CNTN5: variants seen among roughly 807,000 people sequenced by gnomAD.
CNTN5 encodes the protein contactin-5.
Under a neutral mutation model 129.1 loss-of-function variants are expected in CNTN5, and 77 were observed. The observed-to-expected ratio is 0.60, with a 90% CI of 0.50 to 0.72. CNTN5 has a LOEUF of 0.72. CNTN5 is among the 30% of genes least tolerant of loss of function. CNTN5 has a pLI of 0.00. For synonymous variants in CNTN5, 509 were observed against 465.6 expected, an observed-to-expected ratio of 1.09 and a Z score of -1.20; for missense variants, 1,478 against 1,328.8, an observed-to-expected ratio of 1.11 and a Z score of -1.75.
intron 13 of CNTN5, among the ~76,000 whole-genome samples, chr11:100,158,813 G>C (rs1947343156): frequency 6.6e-6 from 1 of 151,802 alleles, no homozygotes; most frequent in South Asian, 2.1e-4. Flanking sequence ...CAAGAATTTA[G>C]CTTTTCAACT....
In CNTN5 at chr11:99,513,607, G is replaced by A. The variant is rs527960426; in HGVS notation, c.-70-42538G>A. Among the ~76,000 whole-genome samples the A allele has an allele frequency of 4.3e-4, 65 of 152,104 alleles. 2 individuals are homozygous for A. In the South Asian group the frequency reaches 0.012, roughly 29 times the overall value. Reference sequence around the variant, plus strand: ...GCATTCCAAAATTCCTAGAGCTTAAGAATTATGCTAAATCTACTCTGCCTG... The same window carrying A: ...GCATTCCAAAATTCCTAGAGCTTAAAAATTATGCTAAATCTACTCTGCCTG... On this transcript the variant is annotated intron_variant, in intron 2 of 24. Transcript: ENST00000524871.
intron 3 of CNTN5, among the ~76,000 whole-genome samples, chr11:99,670,987 C>G (rs1953011081): frequency 6.6e-6 from 1 of 152,048 alleles, no homozygotes; most frequent in African/African-American, 2.4e-5. Context: ...TTTGACACTC[C>G]CCAGGCTAGT....
In CNTN5 at chr11:99,873,326, G is replaced by T. The variant is rs544626844; in HGVS notation, c.577+28064G>T. ...AAAATATTTGAAAATGATGCCTCAG[G>T]ATAAATAATTAGTATTCAGAATCTA... On this transcript the variant is annotated intron_variant, in intron 6 of 24. Transcript: ENST00000524871. Among the ~76,000 whole-genome samples the T allele has an allele frequency of 7.3e-5, 11 of 151,028 alleles. No individual in the cohort carries two copies. In the East Asian group the frequency reaches 2.1e-3, roughly 29 times the overall value.
At chr11:99,268,632 G>A (rs868773495) in intron 1 of CNTN5, among the ~76,000 whole-genome samples, 5 of 151,876 alleles carry the variant, frequency 3.3e-5, no homozygotes, top group Admixed American at 2.6e-4. Flanking sequence ...TGGTATGGTA[G>A]TATACATAAT....
intron 9 of CNTN5, among the ~76,000 whole-genome samples, chr11:100,056,841 A>T (rs1943248879): frequency 6.6e-6 from 1 of 151,794 alleles, no homozygotes; most frequent in Non-Finnish European, 1.5e-5. Flanking sequence ...GTGTACAAGG[A>T]TTCCATAGGA....
chr11:99,429,366 C>CTT (rs1943266936), intron 2 of CNTN5, among the ~76,000 whole-genome samples: 1 of 152,122 alleles, frequency 6.6e-6, no homozygotes, highest in Non-Finnish European at 1.5e-5. Context: ...ACTCATAAGA[C>CTT]TTTTATTCCA....
At position 99,879,663 on chromosome 11, in the gene CNTN5, C is replaced by T. The variant is rs551942499; in HGVS notation, c.577+34401C>T. 2.0e-5 allele frequency among the ~76,000 whole-genome samples: 3 copies of T among 152,068 alleles called. No homozygotes were observed. The South Asian group carries it at 6.2e-4, about 31-fold the overall frequency. ...TAAATTTTAAAACACTGCTAGCTAC[C>T]GTTTATTGAGTTCGTTTATGGGCAG... On this transcript the variant is annotated intron_variant, in intron 6 of 24. Transcript: ENST00000524871.
In CNTN5 at chr11:99,439,729, A is replaced by C. The variant is rs1356350687; in HGVS notation, c.-71+114245A>C. 4.0e-5 allele frequency among the ~76,000 whole-genome samples: 6 copies of C among 150,120 alleles called. No individual in the cohort carries two copies. In the East Asian group the frequency reaches 7.8e-4, roughly 20 times the overall value. ...TCTCAAAAAAAAAAAAAAAAAAGAAAAAGAAAAAAAGAAATATCACAAATT... is the reference window on the plus strand; with the variant it reads ...TCTCAAAAAAAAAAAAAAAAAAGAACAAGAAAAAAAGAAATATCACAAATT... On this transcript the variant is annotated intron_variant, in intron 2 of 24. Coordinates refer to ENST00000524871, the MANE Select transcript of CNTN5 (RefSeq NM_014361.4).
chr11:99,991,509 C>G (rs141228172), intron 8 of CNTN5, among the ~76,000 whole-genome samples: 1 of 152,060 alleles, frequency 6.6e-6, no homozygotes, highest in Non-Finnish European at 1.5e-5. Context: ...AAAAAAATAA[C>G]TCTTCTGGTT....
intron 1 of CNTN5, among the ~76,000 whole-genome samples, chr11:99,101,082 C>T (rs111902284): frequency 1.3e-5 from 2 of 152,096 alleles, no homozygotes; most frequent in Non-Finnish European, 2.9e-5. Context: ...AGGCGAAAGG[C>T]ACATGTTACA....
intron 3 of CNTN5, among the ~76,000 whole-genome samples, chr11:99,740,516 T>G (rs1261759248): frequency 6.6e-6 from 1 of 152,156 alleles, no homozygotes; most frequent in Non-Finnish European, 1.5e-5. Context: ...AGAAGAAATG[T>G]GGAGAGACTG....
chr11:100,088,736 C>A, intron 13 of CNTN5, among the ~76,000 whole-genome samples: 1 of 151,942 alleles, frequency 6.6e-6, no homozygotes, highest in African/African-American at 2.4e-5. Context: ...AAAATGCAAT[C>A]AGTAATAAAA....
intron 1 of CNTN5, among the ~76,000 whole-genome samples, chr11:99,318,548 T>A (rs899925888): frequency 6.6e-6 from 1 of 152,216 alleles, no homozygotes; most frequent in African/African-American, 2.4e-5. Flanking sequence ...AGAATTATTT[T>A]TTTTTTTTGT....
intron 6 of CNTN5, among the ~76,000 whole-genome samples, chr11:99,854,099 A>G (rs1947959104): frequency 6.6e-6 from 1 of 152,202 alleles, no homozygotes. Flanking sequence ...AGCAATGGAC[A>G]TATTAATAGT....
chr11:99,682,841 G>A (rs1358990434), intron 3 of CNTN5, among the ~76,000 whole-genome samples: 2 of 151,840 alleles, frequency 1.3e-5, no homozygotes, highest in African/African-American at 4.8e-5. Flanking sequence ...TGAGACAAAC[G>A]GTGTTGTTTC....
At chr11:99,796,125 T>C in intron 3 of CNTN5, among the ~76,000 whole-genome samples, 1 of 152,166 alleles carries the variant, frequency 6.6e-6, no homozygotes, top group Non-Finnish European at 1.5e-5. Flanking sequence ...ATCACACTGC[T>C]AGCAGTGTTG....
chr11:99,565,215 C>T (rs1440254582), intron 3 of CNTN5, among the ~76,000 whole-genome samples: 2 of 152,100 alleles, frequency 1.3e-5, no homozygotes, highest in African/African-American at 4.8e-5. Context: ...GGACTTTCCA[C>T]CTTTCCCTTG....
chr11:100,286,148 T>A (rs1950783080), intron 18 of CNTN5, among the ~76,000 whole-genome samples: 1 of 151,964 alleles, frequency 6.6e-6, no homozygotes, highest in Non-Finnish European at 1.5e-5. Context: ...CAGTCTGAGA[T>A]CAAACTGCAA....
chr11:100,068,323 T>G (rs1943772841), intron 10 of CNTN5, among the ~76,000 whole-genome samples: 1 of 152,148 alleles, frequency 6.6e-6, no homozygotes. Flanking sequence ...ACTACAGGTG[T>G]CCAGAGGAGG....
Sources: allele counts gnomAD v4.1 joint callset (sites outside exome capture counted in the v4.1 genomes callset), GRCh38; gene constraint gnomAD v4.1.1; transcripts MANE v1.5; gene names NCBI Gene and HGNC (gene_info 2026-07-23, HGNC 2026-07-21).